RTN4RL1: variants seen among roughly 807,000 people sequenced by gnomAD.
The protein encoded by RTN4RL1 is reticulon-4 receptor-like 1.
In RTN4RL1, 7 loss-of-function variants were observed where a neutral mutation model predicts 25.6. The ratio of observed to expected loss-of-function variants is 0.27; its 90% CI spans 0.16 to 0.51. The LOEUF (loss-of-function observed/expected upper bound fraction) is 0.51, where lower values mean the gene tolerates loss of function less well. Ranked by LOEUF, RTN4RL1 falls within the 20% of genes least tolerant of loss-of-function variation. The pLI is 0.97. For synonymous variants in RTN4RL1, 297 were observed against 288.2 expected, an observed-to-expected ratio of 1.03 and a Z score of -0.31; for missense variants, 500 against 615.6, an observed-to-expected ratio of 0.81 and a Z score of 1.99.
chr17:1,991,984 C>T (rs148794529), intron 1 of RTN4RL1, among the ~76,000 whole-genome samples: 5 of 152,144 alleles, frequency 3.3e-5, no homozygotes, highest in African/African-American at 7.2e-5. Context: ...CTGAGCCCCA[C>T]GCCCACCCTC....
chr17:1,999,845 C>A (rs924237523), intron 1 of RTN4RL1, among the ~76,000 whole-genome samples: 1 of 152,266 alleles, frequency 6.6e-6, no homozygotes, highest in African/African-American at 2.4e-5. Context: ...CTTTTCCTGC[C>A]CTCCGGCCTC....
chr17:1,954,608 G>A (rs1281009967), intron 1 of RTN4RL1, among the ~76,000 whole-genome samples: 8 of 151,890 alleles, frequency 5.3e-5, no homozygotes, highest in African/African-American at 9.7e-5. Context: ...GGCTGGTCTC[G>A]AACTCCTGAC....
chr17:1,985,717 G>A (rs969101273), intron 1 of RTN4RL1, among the ~76,000 whole-genome samples: 2 of 152,152 alleles, frequency 1.3e-5, no homozygotes, highest in Admixed American at 6.5e-5. Flanking sequence ...GAAGCCAGCC[G>A]TCTGGTGGCT....
At chr17:1,939,585 C>G (rs1034400780) in intron 1 of RTN4RL1, among the ~76,000 whole-genome samples, 6 of 152,120 alleles carry the variant, frequency 3.9e-5, no homozygotes, top group African/African-American at 1.2e-4. Flanking sequence ...CCTTGCCTCT[C>G]GACTGTCCAG....
intron 1 of RTN4RL1, among the ~76,000 whole-genome samples, chr17:1,953,041 T>C (rs1411129027): frequency 6.6e-6 from 1 of 151,596 alleles, no homozygotes; most frequent in Non-Finnish European, 1.5e-5. Flanking sequence ...TGTGCCACTG[T>C]ATTCTGGGTG....
intron 1 of RTN4RL1, among the ~76,000 whole-genome samples, chr17:1,948,804 CTT>C (rs1227425836): frequency 3.4e-5 from 5 of 145,552 alleles, no homozygotes; most frequent in Admixed American, 6.9e-5. Flanking sequence ...TTTTCTTTTT[CTT>C]TTTTTTTTTT....
chr17:1,993,302 T>C (rs2066917487), intron 1 of RTN4RL1, among the ~76,000 whole-genome samples: 1 of 152,160 alleles, frequency 6.6e-6, no homozygotes, highest in African/African-American at 2.4e-5. Context: ...GGGTGGGGAA[T>C]GTCAGAACTG....
intron 1 of RTN4RL1, among the ~76,000 whole-genome samples, chr17:1,996,035 C>A (rs1265895820): frequency 6.6e-6 from 1 of 152,202 alleles, no homozygotes; most frequent in Non-Finnish European, 1.5e-5. Flanking sequence ...GACAAGCATC[C>A]CTGGGCCCTG....
At chr17:2,013,480 C>A (rs996313626) in intron 1 of RTN4RL1, among the ~76,000 whole-genome samples, 1 of 152,190 alleles carries the variant, frequency 6.6e-6, no homozygotes, top group African/African-American at 2.4e-5. Flanking sequence ...ACAGAGCAGG[C>A]CAACTGTGCT....
intron 1 of RTN4RL1, among the ~76,000 whole-genome samples, chr17:1,985,797 G>C (rs1290530664): frequency 6.6e-6 from 1 of 152,114 alleles, no homozygotes. Flanking sequence ...GGGATAGGAT[G>C]CTGATGGGAT....
rs967654714 is a variant in RTN4RL1 at position 2,022,034 on chromosome 17, G to C, written c.13+2819C>G. On this transcript the variant is annotated intron_variant, in intron 1 of 1. Transcript: ENST00000331238. ...CCACTGCAAATTTTTTAAAATTTTG[G>C]CCGGGTGCAGTGACTCACACCTGTA... Among the ~76,000 whole-genome samples, 3 of 150,984 alleles carry C rather than the reference G, an allele frequency of 2.0e-5. No homozygotes were observed. In the East Asian group the frequency reaches 6.0e-4, roughly 30 times the overall value.
chr17:2,002,496 G>A (rs1239832682), intron 1 of RTN4RL1, among the ~76,000 whole-genome samples: 1 of 150,668 alleles, frequency 6.6e-6, no homozygotes, highest in Non-Finnish European at 1.5e-5. Flanking sequence ...GTTTCACCGT[G>A]TTAGCCAGGA....
chr17:1,942,130 G>A (rs187290089), intron 1 of RTN4RL1, among the ~76,000 whole-genome samples: 77 of 152,176 alleles, frequency 5.1e-4, no homozygotes, highest in East Asian at 4.5e-3. Flanking sequence ...GAGCAAGGCC[G>A]GGCCTCCCCC....
intron 1 of RTN4RL1, among the ~76,000 whole-genome samples, chr17:1,973,211 A>C (rs1475677417): frequency 6.6e-6 from 1 of 151,924 alleles, no homozygotes; most frequent in East Asian, 1.9e-4. Flanking sequence ...AAAAATACAA[A>C]AAAATTAGCC....
intron 1 of RTN4RL1, among the ~76,000 whole-genome samples, chr17:1,991,561 T>C (rs926369197): frequency 6.6e-6 from 1 of 151,752 alleles, no homozygotes; most frequent in Admixed American, 6.6e-5. Context: ...TCTTCAGAGG[T>C]ATCCTACTGT....
At chr17:1,938,639 A>G (rs1486804568) in intron 1 of RTN4RL1, among the ~76,000 whole-genome samples, 1 of 152,032 alleles carries the variant, frequency 6.6e-6, no homozygotes, top group Non-Finnish European at 1.5e-5. Context: ...CAAGCACAGC[A>G]TGCATGCGTG....
rs557499761 is a variant in RTN4RL1 at position 1,937,339 on chromosome 17, G to A, written c.483C>T (p.Ile161=). Residue 161 remains isoleucine, a synonymous_variant, in exon 2 of 2, where the codon ATC becomes ATT. Transcript: ENST00000331238. ...LQYLYLQDNH[I]EYLQDDIFVD... ...CGAAGATGTCGTCCTGGAGGTACTC[G>A]ATGTGGTTGTCCTGCAGGTAGAGGT... 9 of 1,613,700 alleles carry A rather than the reference G, an allele frequency of 5.6e-6. No individual in the cohort carries two copies. Among genetic ancestry groups the A allele is most frequent in the South Asian group, 5.5e-5 (5 of 91,090 alleles).
At chr17:2,014,355 A>C (rs1383521935) in intron 1 of RTN4RL1, among the ~76,000 whole-genome samples, 1 of 152,188 alleles carries the variant, frequency 6.6e-6, no homozygotes, top group Admixed American at 6.5e-5. Flanking sequence ...GCTGAGTACC[A>C]TGACAGGGAT....
At chr17:1,973,340 T>C (rs1168239856) in intron 1 of RTN4RL1, among the ~76,000 whole-genome samples, 1 of 144,186 alleles carries the variant, frequency 6.9e-6, no homozygotes, top group African/African-American at 2.6e-5. Flanking sequence ...CACTCCAGCC[T>C]GGGCAATAGT....
Sources: allele counts gnomAD v4.1 joint callset (sites outside exome capture counted in the v4.1 genomes callset), GRCh38; gene constraint gnomAD v4.1.1; transcripts MANE v1.5; gene names NCBI Gene and HGNC (gene_info 2026-07-23, HGNC 2026-07-21).